The following NLRP4 variants were observed in gnomAD, a reference collection of about 807,000 sequenced individuals.
NLRP4 encodes the protein NLR family pyrin domain containing 4, also known as NACHT, LRR and PYD domains-containing protein 4.
A neutral mutation model predicts 84.7 loss-of-function variants in NLRP4; 44 were observed. The ratio of observed to expected loss-of-function variants is 0.52; its 90% CI spans 0.41 to 0.67. The LOEUF (loss-of-function observed/expected upper bound fraction) is 0.67, where lower values mean the gene tolerates loss of function less well. Among genes scored for constraint, NLRP4 ranks in the 30% least tolerant of loss-of-function variants. The pLI is 0.00. For synonymous variants in NLRP4, 544 were observed against 476.4 expected, an observed-to-expected ratio of 1.14 and a Z score of -1.85; for missense variants, 1,260 against 1,219.4, an observed-to-expected ratio of 1.03 and a Z score of -0.50.
intron 2 of NLRP4, chr19:55,857,357 G>C (rs181907269): frequency 4.1e-4 from 168 of 407,126 alleles, no homozygotes; most frequent in Middle Eastern, 6.3e-4. Context: ...GTGTGTGTGT[G>C]TCTATTGAAA....
At chr19:55,837,607 AACACAC>A (rs145535303) in intron 1 of NLRP4, among the ~76,000 whole-genome samples, 28 of 151,582 alleles carry the variant, frequency 1.8e-4, no homozygotes, top group African/African-American at 6.8e-4. Flanking sequence ...CAACCCTAAA[AACACAC>A]ACACACACAC....
chr19:55,860,926 C>T (rs1408741903), intron 3 of NLRP4, among the ~76,000 whole-genome samples: 1 of 152,004 alleles, frequency 6.6e-6, no homozygotes, highest in Non-Finnish European at 1.5e-5. Flanking sequence ...TGCAGTGAGC[C>T]AAGATTGTGC....
At chr19:55,880,015 A>G (rs750126825) in intron 9 of NLRP4, among the ~76,000 whole-genome samples, 68 of 152,220 alleles carry the variant, frequency 4.5e-4, no homozygotes, top group African/African-American at 1.6e-3. Flanking sequence ...ATAACTATAG[A>G]GTCCTTAACA....
chr19:55,853,593 A>G (rs889127723), intron 2 of NLRP4, among the ~76,000 whole-genome samples: 5 of 152,056 alleles, frequency 3.3e-5, no homozygotes, highest in Non-Finnish European at 5.9e-5. Context: ...AAAAAATTGT[A>G]GAGATGAGCT....
At chr19:55,867,617 A>G in intron 5 of NLRP4, 92 bp from the exon 6 acceptor site, 1 of 1,178,038 alleles carries the variant, frequency 8.5e-7, no homozygotes, top group Non-Finnish European at 1.2e-6. Context: ...AAGGACAGCA[A>G]ATGTGGGCTT....
intron 8 of NLRP4, among the ~76,000 whole-genome samples, chr19:55,878,481 A>ATCCAAAAAAAGGTAT (rs1446007915): frequency 6.6e-6 from 1 of 151,768 alleles, no homozygotes; most frequent in African/African-American, 2.4e-5. Flanking sequence ...TTGTTATCTG[A>ATCCAAAAAAAGGTAT]GACGGCTTCA....
chr19:55,848,708 T>C (rs187952237), intron 1 of NLRP4, among the ~76,000 whole-genome samples: 259 of 152,344 alleles, frequency 1.7e-3, no homozygotes, highest in African/African-American at 5.5e-3. Flanking sequence ...GGCTGTACTA[T>C]ATTCTTTAAA....
At chr19:55,859,364 C>T (rs1434696572) in intron 3 of NLRP4, 115 bp downstream of exon 3, 1 of 801,374 alleles carries the variant, frequency 1.2e-6, no homozygotes, top group Non-Finnish European at 1.9e-6. Flanking sequence ...TTTTTTCTGC[C>T]ACAAAACCTC....
In NLRP4 at chr19:55,847,431, G is replaced by T. The variant is rs182753619; in HGVS notation, c.-65-4585G>T. ...GTATGCTTGAAAAGAATGTTCTCTT[G>T]TGTGTAGGATTCCATAAATATTCAT... On this transcript the variant is annotated intron_variant, in intron 1 of 9. Coordinates refer to ENST00000301295, the MANE Select transcript of NLRP4 (RefSeq NM_134444.5). Among the ~76,000 whole-genome samples, 938 of 152,166 alleles carry T rather than the reference G, an allele frequency of 6.2e-3. 4 individuals are homozygous for T. The highest frequency in any genetic ancestry group is 0.014 in the Middle Eastern group (4 of 294).
chr19:55,837,614 A>AC (rs199566333), intron 1 of NLRP4, among the ~76,000 whole-genome samples: 2 of 138,864 alleles, frequency 1.4e-5, no homozygotes, highest in African/African-American at 5.5e-5. Flanking sequence ...AAAAACACAC[A>AC]CACACACACA....
chr19:55,849,892 GGC>G (rs1983962917), intron 1 of NLRP4, among the ~76,000 whole-genome samples: 1 of 22,012 alleles, frequency 4.5e-5, no homozygotes, highest in African/African-American at 1.7e-4. Context: ...TAATTTCCGT[GGC>G]CGGCGGTGTA....
intron 2 of NLRP4, among the ~76,000 whole-genome samples, chr19:55,857,062 G>T (rs567895558): frequency 1.3e-5 from 2 of 152,122 alleles, no homozygotes; most frequent in Non-Finnish European, 2.9e-5. Flanking sequence ...TATAGACACC[G>T]TCCTGTTGCT....
chr19:55,880,467 G>T (rs1985545019), intron 9 of NLRP4, among the ~76,000 whole-genome samples: 1 of 152,098 alleles, frequency 6.6e-6, no homozygotes, highest in Admixed American at 6.5e-5. Context: ...TACAAAATAG[G>T]GATGATTATT....
At chr19:55,863,914 C>T (rs2123045028) in intron 5 of NLRP4, among the ~76,000 whole-genome samples, 1 of 152,292 alleles carries the variant, frequency 6.6e-6, no homozygotes, top group Middle Eastern at 3.4e-3. Flanking sequence ...GGTACCCACA[C>T]ATTCAAATAC....
At chr19:55,854,044 A>G (rs1310302547) in intron 2 of NLRP4, among the ~76,000 whole-genome samples, 1 of 151,786 alleles carries the variant, frequency 6.6e-6, no homozygotes, top group African/African-American at 2.4e-5. Flanking sequence ...ATCTCGGCCC[A>G]CTGCAGCTTC....
chr19:55,860,671 T>C (rs895872679), intron 3 of NLRP4, among the ~76,000 whole-genome samples: 1 of 152,196 alleles, frequency 6.6e-6, no homozygotes, highest in Non-Finnish European at 1.5e-5. Flanking sequence ...AGCTGGATCC[T>C]ATCCAGTCAA....
rs202102726 is a variant in NLRP4, at chr19:55,849,992, A to T, written c.-65-2024A>T. Among the ~76,000 whole-genome samples the T allele has an allele frequency of 2.8e-3, 21 of 7,378 alleles. No homozygotes were observed. In the South Asian group the frequency reaches 0.052, roughly 18 times the overall value. 4.8% of individuals were successfully genotyped at this position (7,378 alleles called of 152,430 possible). On this transcript the variant is annotated intron_variant, in intron 1 of 9. Coordinates refer to ENST00000301295, the MANE Select transcript of NLRP4 (RefSeq NM_134444.5). ...TTCCGTAGCTGCGGTGTAATTTCCG[A>T]GACTGCGGTGTGATTTCCGAGACTG...
chr19:55,843,777 C>A (rs527804316), intron 1 of NLRP4, among the ~76,000 whole-genome samples: 7 of 152,006 alleles, frequency 4.6e-5, no homozygotes, highest in Admixed American at 2.6e-4. Context: ...GCATTTTTTT[C>A]ATGGCAAAAA....
At chr19:55,860,100 C>G (rs1984688132) in intron 3 of NLRP4, among the ~76,000 whole-genome samples, 1 of 151,402 alleles carries the variant, frequency 6.6e-6, no homozygotes, top group South Asian at 2.1e-4. Flanking sequence ...ATTCTCCTGC[C>G]TCGGCCTCCC....
Sources: gnomAD v4.1 joint callset for allele counts (sites outside exome capture counted in the v4.1 genomes callset) on GRCh38, gnomAD v4.1.1 for gene constraint, MANE v1.5 for transcripts, NCBI Gene and HGNC (gene_info 2026-07-23, HGNC 2026-07-21) for gene names.